The following LIG1 variants were observed in gnomAD, a reference collection of about 807,000 sequenced individuals.
The protein encoded by LIG1 is ligase I, DNA, ATP-dependent.
A neutral mutation model predicts 115.7 loss-of-function variants in LIG1; 70 were observed. That is an observed-to-expected ratio of 0.60 (90% confidence interval 0.50 to 0.74). The LOEUF is 0.74. Ranked by LOEUF, LIG1 falls within the 30% of genes least tolerant of loss-of-function variation. The pLI is 0.00. For missense variants in LIG1, 1,115 were observed against 1,225.6 expected (o/e 0.91, Z 1.35); for synonymous variants, 487 against 495.3 (o/e 0.98, Z 0.22).
At position 48,118,350 on chromosome 19, in the gene LIG1, C is replaced by T. The variant is rs116650973; in HGVS notation, c.2440-569G>A. 4.2e-3 allele frequency: 717 copies of T among 170,070 alleles called. 5 individuals carry two copies. The highest frequency in any genetic ancestry group is 0.017 in the African/African-American group (689 of 41,618). The allele number at this position is 170,070 out of a possible 1,614,324, so 10.5% of individuals were successfully genotyped here. Reference sequence around the variant, plus strand: ...GGGCAGGTTTTTCCCGTGCTGTTCTCGTGATAGTGAGGAAGTCTCACGAGA... The same window carrying T: ...GGGCAGGTTTTTCCCGTGCTGTTCTTGTGATAGTGAGGAAGTCTCACGAGA... On this transcript the variant is annotated intron_variant, in intron 25 of 27. Transcript: ENST00000263274.
At chr19:48,152,342 C>T (rs1201583598) in intron 6 of LIG1, among the ~76,000 whole-genome samples, 7 of 152,076 alleles carry the variant, frequency 4.6e-5, no homozygotes, top group Non-Finnish European at 2.9e-5. Context: ...AGGCTGGTCT[C>T]CAACTCCCGA....
Position 48,137,860 on chromosome 19 carries a change from C to T in LIG1, c.1088-172G>A. 2.6e-6 allele frequency: 2 copies of T among 773,084 alleles called. No individual in the cohort carries two copies. Among genetic ancestry groups the T allele is most frequent in the South Asian group, 1.7e-5 (1 of 59,544 alleles). 47.9% of individuals were successfully genotyped at this position (773,084 alleles called of 1,614,324 possible). A position where few individuals can be genotyped will look rare whatever the true frequency, so the allele number is the denominator to read the frequency against. On this transcript the variant is annotated intron_variant, in intron 12 of 27. Coordinates refer to ENST00000263274, the MANE Select transcript of LIG1 (RefSeq NM_000234.3). This position sits in a 1 kb window ranked among gnomAD's most constrained non-coding sequence, Gnocchi z 4.3. ...GGTAGAAATGGCTTGGGGAACGTGC[C>T]CCCAGCCACGCTGGCTGTAGGAAGT... is the stretch of plus-strand genomic sequence containing the variant.
rs564872602 is a variant in LIG1, at chr19:48,116,718, G to A, written c.2584-753C>T. Among the ~76,000 whole-genome samples, 27 of 152,278 alleles carry A rather than the reference G, an allele frequency of 1.8e-4. No homozygotes were observed. The South Asian group carries it at 1.9e-3, about 11-fold the overall frequency. Reference sequence around the variant, plus strand: ...TTAAATGAGTGTCTATGAGTGACACGCTGATGACCACACAGTGCCCACTGC... The same window carrying A: ...TTAAATGAGTGTCTATGAGTGACACACTGATGACCACACAGTGCCCACTGC... On this transcript the variant is annotated intron_variant, in intron 26 of 27. Coordinates refer to ENST00000263274, the MANE Select transcript of LIG1 (RefSeq NM_000234.3).
intron 16 of LIG1, among the ~76,000 whole-genome samples, chr19:48,134,334 C>T (rs2034241098): frequency 6.6e-6 from 1 of 152,182 alleles, no homozygotes; most frequent in African/African-American, 2.4e-5. Flanking sequence ...CACAGGAGAC[C>T]ACTCAAGAAT....
In LIG1 at chr19:48,123,275, C is replaced by T. The variant is rs759018012; in HGVS notation, c.2048G>A (p.Arg683Gln). The change falls in exon 22 of 28, where the codon CGG (arginine) becomes CAG (glutamine). Residue 683 changes from arginine to glutamine, a missense_variant. Coordinates refer to ENST00000263274, the MANE Select transcript of LIG1 (RefSeq NM_000234.3). Reference protein sequence around the residue: ...EPLSRRRQLLRENFVETEGEF... With the variant: ...EPLSRRRQLLQENFVETEGEF... ...GCCCTCTGTCTCCACAAAGTTCTCC[C>T]GGAGCAGCTGCCGGCGCCGGGAAAG... The T allele has an allele frequency of 3.7e-6, 6 of 1,614,048 alleles. No homozygotes were observed. Among genetic ancestry groups the T allele is most frequent in the Middle Eastern group, 3.3e-4 (2 of 6,060 alleles).
chr19:48,133,664 C>T (rs763655111), intron 17 of LIG1, among the ~76,000 whole-genome samples: 4 of 152,156 alleles, frequency 2.6e-5, no homozygotes, highest in Admixed American at 6.5e-5. Context: ...AGCGCGATGA[C>T]GGCTCACTGC....
intron 11 of LIG1, 62 bp from the exon 12 acceptor site, chr19:48,140,205 T>C (rs902732896): frequency 6.4e-6 from 8 of 1,258,114 alleles, no homozygotes; most frequent in African/African-American, 1.5e-5. Context: ...GGTGTCGGGG[T>C]GGGGTGGGTT....
chr19:48,151,984 C>T (rs2035506557), intron 6 of LIG1, among the ~76,000 whole-genome samples: 1 of 152,054 alleles, frequency 6.6e-6, no homozygotes, highest in African/African-American at 2.4e-5. Context: ...TCTAGGGTCA[C>T]AATACAAACT....
chr19:48,152,652 C>A lies in LIG1; in HGVS notation c.466+1220G>T, dbSNP rs149167405. ...TTTAGATTTTTCAAAGGAAACCCAG[C>A]GACACCTGCTGGCCAGTGTGTGAAC... is the stretch of plus-strand genomic sequence containing the variant. On this transcript the variant is annotated intron_variant, in intron 6 of 27. Coordinates refer to ENST00000263274, the MANE Select transcript of LIG1 (RefSeq NM_000234.3). Among the ~76,000 whole-genome samples the A allele has an allele frequency of 9.3e-4, 142 of 152,252 alleles. 5 individuals are homozygous for A. The highest frequency in any genetic ancestry group is 3.4e-3 in the Middle Eastern group (1 of 294).
At chr19:48,165,269 A>G (rs1310614974) in intron 2 of LIG1, among the ~76,000 whole-genome samples, 1 of 152,036 alleles carries the variant, frequency 6.6e-6, no homozygotes, top group Non-Finnish European at 1.5e-5. Flanking sequence ...AAAAAAAAAA[A>G]ATCTCCAGAC....
intron 18 of LIG1, 38 bp from the exon 19 acceptor site, chr19:48,131,209 T>G (rs2034002532): frequency 6.7e-7 from 1 of 1,497,332 alleles, no homozygotes; most frequent in Non-Finnish European, 9.3e-7. Flanking sequence ...ATCAGCTGAG[T>G]CCCCTCATGT....
chr19:48,137,909 G>C lies in LIG1; in HGVS notation c.1088-221C>G. ...GTCAGCAAACATGCACGTGGAGCCA[G>C]GAAAGCGGTGGATGAACGAGCATGA... On this transcript the variant is annotated intron_variant, in intron 12 of 27. Coordinates refer to ENST00000263274, the MANE Select transcript of LIG1 (RefSeq NM_000234.3). The surrounding 1 kb of genome is among the most constrained non-coding windows in gnomAD (Gnocchi z 4.3). 1.6e-6 allele frequency: 1 copy of C among 617,778 alleles called. No individual in the cohort carries two copies. The highest frequency in any genetic ancestry group is 2.9e-6 in the Non-Finnish European group (1 of 342,348). The allele number at this position is 617,778 out of a possible 1,614,324, so 38.3% of individuals were successfully genotyped here.
intron 10 of LIG1, 56 bp from the exon 11 acceptor site, chr19:48,143,655 C>T (rs1345312470): frequency 6.1e-6 from 9 of 1,469,536 alleles, no homozygotes; most frequent in South Asian, 2.3e-5. Context: ...ACCATGCTGC[C>T]CGTCTGCACC....
At chr19:48,134,181 A>T (rs369287480) in intron 16 of LIG1, 115 bp from the exon 17 acceptor site, 6 of 857,650 alleles carry the variant, frequency 7.0e-6, no homozygotes, top group East Asian at 2.7e-5. Context: ...CTGCCCACTG[A>T]GTCACCACCT....
In LIG1 at chr19:48,157,134, C is replaced by A. The variant is rs1301904641; in HGVS notation, c.250G>T (p.Ala84Ser). 1.2e-6 allele frequency: 2 copies of A among 1,610,382 alleles called. No individual in the cohort carries two copies. Among genetic ancestry groups the A allele is most frequent in the East Asian group, 4.5e-5 (2 of 44,734 alleles). Residue 84 changes from alanine to serine, a missense_variant, in exon 5 of 28, where the codon GCC becomes TCC. Coordinates refer to ENST00000263274, the MANE Select transcript of LIG1 (RefSeq NM_000234.3). ...ALSPAKGQKP[A>S]LDCSQVSPPR... is the part of the protein sequence containing the mutation. ...GGGGAGACCTGTGAGCAGTCCAGGG[C>A]AGGCTTCTGGAAGAGGAAAGAACAG... is the stretch of plus-strand genomic sequence containing the variant.
At chr19:48,120,296 T>A in intron 24 of LIG1, 1 of 985,418 alleles carries the variant, frequency 1.0e-6, no homozygotes, top group Non-Finnish European at 1.2e-6. Flanking sequence ...GTTGCCATAT[T>A]GCTTAAGGGC....
intron 1 of LIG1, chr19:48,169,915 C>CCT (rs2036704525): frequency 6.9e-6 from 1 of 144,424 alleles, no homozygotes; most frequent in Non-Finnish European, 1.5e-5. Flanking sequence ...CAGTTTTCCC[C>CCT]CCCCCGGCCC....
intron 4 of LIG1, among the ~76,000 whole-genome samples, chr19:48,157,499 T>C (rs2035925263): frequency 1.3e-5 from 2 of 152,082 alleles, no homozygotes; most frequent in Non-Finnish European, 2.9e-5. Context: ...CTCTACACAA[T>C]GGGATGTCAG....
chr19:48,116,434 C>T (rs2032833060), intron 26 of LIG1, among the ~76,000 whole-genome samples: 1 of 120,790 alleles, frequency 8.3e-6, no homozygotes, highest in Non-Finnish European at 1.6e-5. Flanking sequence ...GGTGACAGAG[C>T]GAGACTCCAA....
Sources: gnomAD v4.1 joint callset for allele counts (sites outside exome capture counted in the v4.1 genomes callset) on GRCh38, gnomAD v4.1.1 for gene constraint, Gnocchi (gnomAD v3.1) non-coding constraint, MANE v1.5 for transcripts, NCBI Gene and HGNC (gene_info 2026-07-23, HGNC 2026-07-21) for gene names.